The following CDC42BPA variants were observed in gnomAD, a reference collection of about 807,000 sequenced individuals.
The protein encoded by CDC42BPA is serine/threonine-protein kinase MRCK alpha.
In CDC42BPA, 80 loss-of-function variants were observed where a neutral mutation model predicts 223.5. The ratio of observed to expected loss-of-function variants is 0.36; its 90% CI spans 0.30 to 0.43. The LOEUF (loss-of-function observed/expected upper bound fraction) is 0.43, where lower values mean the gene tolerates loss of function less well. CDC42BPA is among the 20% of genes least tolerant of loss of function. CDC42BPA has a pLI of 1.00. For missense variants in CDC42BPA, 1,743 were observed against 2,099.9 expected (o/e 0.83, Z 3.32); for synonymous variants, 694 against 718.6 (o/e 0.97, Z 0.55).
rs749724018 is a variant in CDC42BPA at position 227,016,211 on chromosome 1, C to A, written c.4740-14G>T. 3 of 1,337,054 alleles carry A rather than the reference C, an allele frequency of 2.2e-6. No individual in the cohort carries two copies. The highest frequency in any genetic ancestry group is 3.2e-6 in the Non-Finnish European group (3 of 929,148). The allele number at this position is 1,337,054 out of a possible 1,614,324, so 82.8% of individuals were successfully genotyped here. A position where few individuals can be genotyped will look rare whatever the true frequency, so the allele number is the denominator to read the frequency against. On this transcript the variant is annotated splice_polypyrimidine_tract_variant and intron_variant, in intron 33 of 36. Coordinates refer to ENST00000366766, the MANE Select transcript of CDC42BPA (RefSeq NM_001394014.1). ...CGTAGCATTTCCCTGTAAGACAAGGCATCTGTTTAGATACTTTTTCCACAG... is the reference window on the plus strand; with the variant it reads ...CGTAGCATTTCCCTGTAAGACAAGGAATCTGTTTAGATACTTTTTCCACAG...
In CDC42BPA at chr1:227,040,054, C is replaced by A; in HGVS notation, c.3199+77G>T. The stretch of plus-strand genomic sequence containing the variant: ...TGATTAAGTAAAACAAACATTTATA[C>A]ACCTTTGAAAGAGAATCAACTTATT... On this transcript the variant is annotated intron_variant, in intron 24 of 36. Transcript: ENST00000366766. 3 of 902,788 alleles carry A rather than the reference C, an allele frequency of 3.3e-6. No homozygotes were observed. In the South Asian group the frequency reaches 4.1e-5, roughly 12 times the overall value. 55.9% of individuals were successfully genotyped at this position (902,788 alleles called of 1,614,324 possible). A position where few individuals can be genotyped will look rare whatever the true frequency, so the allele number is the denominator to read the frequency against.
chr1:227,068,943 C>G (rs1222332526), intron 21 of CDC42BPA: 2 of 156,116 alleles, frequency 1.3e-5, no homozygotes, highest in Non-Finnish European at 2.9e-5. Context: ...ATACTGTGCC[C>G]AAAATGTAAT....
chr1:227,223,608 G>C (rs1048511967), intron 2 of CDC42BPA, among the ~76,000 whole-genome samples: 1 of 152,146 alleles, frequency 6.6e-6, no homozygotes, highest in Non-Finnish European at 1.5e-5. Flanking sequence ...ATGGAGACTA[G>C]AGAGTGAGAA....
rs116736106 is a variant in CDC42BPA, at chr1:227,073,073, A to T, written c.2736-774T>A. Among the ~76,000 whole-genome samples the T allele has an allele frequency of 6.0e-3, 909 of 152,282 alleles. 10 individuals are homozygous for T. Among genetic ancestry groups the T allele is most frequent in the African/African-American group, 0.021 (856 of 41,570 alleles). On this transcript the variant is annotated intron_variant, in intron 19 of 36. Coordinates refer to ENST00000366766, the MANE Select transcript of CDC42BPA (RefSeq NM_001394014.1). ...TAAAAAGATAAACAATTGCAGTTTA[A>T]GGACTATGACTACACACCATTAAAA...
intron 34 of CDC42BPA, among the ~76,000 whole-genome samples, chr1:227,006,761 C>T (rs1198939068): frequency 6.6e-6 from 1 of 152,054 alleles, no homozygotes; most frequent in East Asian, 1.9e-4. Flanking sequence ...ATGGTGAAAC[C>T]CCGTCTCTAC....
intron 1 of CDC42BPA, among the ~76,000 whole-genome samples, chr1:227,270,072 A>G (rs1685713021): frequency 6.6e-6 from 1 of 152,210 alleles, no homozygotes; most frequent in East Asian, 1.9e-4. Flanking sequence ...CCATGCCACA[A>G]AACACTATAC....
intron 10 of CDC42BPA, among the ~76,000 whole-genome samples, chr1:227,133,555 G>A (rs1231097844): frequency 1.3e-5 from 2 of 152,226 alleles, no homozygotes; most frequent in Non-Finnish European, 2.9e-5. Flanking sequence ...TGAGAAATCG[G>A]ATGGTTGCCG....
intron 1 of CDC42BPA, among the ~76,000 whole-genome samples, chr1:227,301,817 C>G (rs1287142776): frequency 6.6e-6 from 1 of 152,124 alleles, no homozygotes; most frequent in African/African-American, 2.4e-5. Context: ...ATTCCCTTTC[C>G]ATACCATCCT....
At chr1:227,117,321 AT>A (rs969271976) in intron 12 of CDC42BPA, among the ~76,000 whole-genome samples, 15 of 151,966 alleles carry the variant, frequency 9.9e-5, no homozygotes, top group Non-Finnish European at 1.8e-4. Context: ...AATTCAGTGC[AT>A]TTTTTTCCCC....
chr1:227,295,274 C>G (rs1224552671), intron 1 of CDC42BPA, among the ~76,000 whole-genome samples: 2 of 152,152 alleles, frequency 1.3e-5, no homozygotes, highest in African/African-American at 4.8e-5. Flanking sequence ...GATCCTCCCA[C>G]CTTAGCCTCC....
intron 13 of CDC42BPA, 25 bp downstream of exon 13, chr1:227,112,646 C>G: frequency 6.2e-7 from 1 of 1,610,180 alleles, no homozygotes; most frequent in South Asian, 1.1e-5. Context: ...CCCATGGGCA[C>G]TACAAAATTT....
At chr1:227,031,113 C>T (rs974546871) in intron 28 of CDC42BPA, among the ~76,000 whole-genome samples, 185 bp downstream of exon 28, 1 of 152,098 alleles carries the variant, frequency 6.6e-6, no homozygotes, top group Non-Finnish European at 1.5e-5. Context: ...TGTATTTATA[C>T]TCCTGTTTAC....
At chr1:227,208,963 C>G (rs1049073504) in intron 3 of CDC42BPA, among the ~76,000 whole-genome samples, 4 of 151,840 alleles carry the variant, frequency 2.6e-5, no homozygotes, top group African/African-American at 7.3e-5. Flanking sequence ...GCCATTTTCA[C>G]GATATTGATT....
rs191970043 is a variant in CDC42BPA, at chr1:227,032,883, A to G, written c.3558+451T>C. Among the ~76,000 whole-genome samples, 35 of 152,354 alleles carry G rather than the reference A, an allele frequency of 2.3e-4. 1 individual carries two copies. The highest frequency in any genetic ancestry group is 2.1e-3 in the Admixed American group (32 of 15,300). On this transcript the variant is annotated intron_variant, in intron 27 of 36. Transcript: ENST00000366766. The stretch of plus-strand genomic sequence containing the variant: ...AGTGACACTAGCGGACACCACAAGA[A>G]CTGTACAGCTGGTCCACAGAATAGT...
intron 16 of CDC42BPA, among the ~76,000 whole-genome samples, chr1:227,086,431 C>T (rs1681909506): frequency 6.6e-6 from 1 of 152,102 alleles, no homozygotes; most frequent in South Asian, 2.1e-4. Context: ...CCATTTTATA[C>T]TCCTATGAGC....
chr1:227,154,959 A>G (rs572601560), intron 6 of CDC42BPA, among the ~76,000 whole-genome samples: 1 of 152,314 alleles, frequency 6.6e-6, no homozygotes, highest in African/African-American at 2.4e-5. Flanking sequence ...CAAGAAAAAG[A>G]ATTATAGCAA....
At chr1:227,217,556 A>C (rs1395871176) in intron 2 of CDC42BPA, among the ~76,000 whole-genome samples, 1 of 152,040 alleles carries the variant, frequency 6.6e-6, no homozygotes, top group East Asian at 1.9e-4. Context: ...CACTGAAGCC[A>C]CAGTTGATCC....
chr1:227,146,661 A>T (rs1480653528), intron 7 of CDC42BPA, among the ~76,000 whole-genome samples: 1 of 152,076 alleles, frequency 6.6e-6, no homozygotes, highest in Admixed American at 6.5e-5. Context: ...AAATATATTA[A>T]CGTTTCATTA....
At chr1:227,187,423 G>C (rs1326891385) in intron 5 of CDC42BPA, among the ~76,000 whole-genome samples, 1 of 147,126 alleles carries the variant, frequency 6.8e-6, no homozygotes, top group African/African-American at 2.5e-5. Context: ...ACTTAGAAAA[G>C]AATCTCTGAG....
Sources: gnomAD v4.1 joint callset for allele counts (sites outside exome capture counted in the v4.1 genomes callset) on GRCh38, gnomAD v4.1.1 for gene constraint, MANE v1.5 for transcripts, NCBI Gene and HGNC (gene_info 2026-07-23, HGNC 2026-07-21) for gene names.